The following SNCAIP variants were observed in gnomAD, a reference collection of about 807,000 sequenced individuals.
The protein encoded by SNCAIP is synphilin-1.
SNCAIP carries 43 observed loss-of-function variants against 86.7 expected under a neutral mutation model. The observed-to-expected ratio is 0.50, with a 90% confidence interval of 0.39 to 0.64. The LOEUF is 0.64. SNCAIP is among the 30% of genes least tolerant of loss of function. The probability of loss-of-function intolerance (pLI) is 0.00; values close to 1 mark genes in which losing one functional copy is unlikely to be tolerated. For synonymous variants in SNCAIP, 417 were observed against 427.2 expected (o/e 0.98, Z 0.29); for missense variants, 981 against 1,103.1 (o/e 0.89, Z 1.57).
chr5:122,325,700 G>T (rs1753870937), intron 1 of SNCAIP, among the ~76,000 whole-genome samples: 2 of 152,150 alleles, frequency 1.3e-5, no homozygotes, highest in Non-Finnish European at 2.9e-5. Context: ...ATAACTATTA[G>T]CTCTTACTAT....
intron 10 of SNCAIP, chr5:122,453,045 G>A (rs2153007421): frequency 2.6e-6 from 3 of 1,169,570 alleles, no homozygotes; most frequent in South Asian, 1.4e-5. Flanking sequence ...GCTTTGCTTT[G>A]AATTGCATGA....
chr5:122,357,617 CTTTT>C (rs1159553477), intron 1 of SNCAIP, among the ~76,000 whole-genome samples: 1 of 140,188 alleles, frequency 7.1e-6, no homozygotes, highest in Non-Finnish European at 1.6e-5. Context: ...GACAAGCCTT[CTTTT>C]TTTTTTTTTT....
intron 5 of SNCAIP, among the ~76,000 whole-genome samples, chr5:122,430,190 T>C (rs933131796): frequency 2.6e-5 from 4 of 152,164 alleles, no homozygotes; most frequent in African/African-American, 9.7e-5. Context: ...AATTCTAAAA[T>C]AAAGAGAAAC....
In SNCAIP at chr5:122,403,808, C is replaced by T; in HGVS notation, c.73C>T (p.Leu25Phe). ...TCCCGTTCAGTATTCAGTCACATCA[C>T]TCAAGACGATCCCAGAACTGTGCCG... ...SDDISYSVTS[L>F]KTIPELCRRC... is the part of the protein sequence containing the mutation. The change falls in exon 3 of 11, where the codon CTC becomes TTC. Residue 25 changes from leucine (L) to phenylalanine (F), a missense_variant. Physicochemically the swap from Leu to Phe is conservative, Grantham distance 22. Transcript: ENST00000261368. The T allele has an allele frequency of 6.2e-7, 1 of 1,613,706 alleles. No individual in the cohort carries two copies. The highest frequency in any genetic ancestry group is 2.2e-5 in the East Asian group (1 of 44,884).
chr5:122,394,907 G>A (rs1209009544), intron 2 of SNCAIP, among the ~76,000 whole-genome samples: 1 of 152,076 alleles, frequency 6.6e-6, no homozygotes, highest in Non-Finnish European at 1.5e-5. Flanking sequence ...ATTCCTTTTG[G>A]CAGATGAGAA....
At chr5:122,428,581 T>TA (rs398109365) in intron 5 of SNCAIP, among the ~76,000 whole-genome samples, 5 of 151,878 alleles carry the variant, frequency 3.3e-5, no homozygotes, top group Non-Finnish European at 7.4e-5. Context: ...TTTTTTTTTT[T>TA]ACCTTTTATT....
chr5:122,348,448 T>C (rs1036368211), intron 1 of SNCAIP, among the ~76,000 whole-genome samples: 4 of 152,134 alleles, frequency 2.6e-5, no homozygotes, highest in African/African-American at 9.7e-5. Flanking sequence ...GAGGAACATA[T>C]TCACTGATGA....
chr5:122,378,463 G>T (rs1480932717), intron 1 of SNCAIP, among the ~76,000 whole-genome samples: 1 of 140,424 alleles, frequency 7.1e-6, no homozygotes, highest in African/African-American at 2.7e-5. Context: ...TGAGTAGGTT[G>T]TGAAAATTTT....
intron 1 of SNCAIP, among the ~76,000 whole-genome samples, chr5:122,315,273 G>A (rs1470526717): frequency 6.6e-6 from 1 of 152,206 alleles, no homozygotes; most frequent in African/African-American, 2.4e-5. Context: ...TTATCAGACT[G>A]TTGGCCAGGG....
intron 3 of SNCAIP, among the ~76,000 whole-genome samples, chr5:122,411,318 C>A (rs929290753): frequency 1.3e-5 from 2 of 152,144 alleles, no homozygotes; most frequent in African/African-American, 4.8e-5. Context: ...TCACAAGTCC[C>A]CATCCTGTCA....
At chr5:122,325,791 T>G (rs1311648019) in intron 1 of SNCAIP, among the ~76,000 whole-genome samples, 1 of 152,124 alleles carries the variant, frequency 6.6e-6, no homozygotes, top group African/African-American at 2.4e-5. Context: ...ATTCTTCAAT[T>G]TTTTTTGAGT....
At chr5:122,440,524 T>TA in intron 6 of SNCAIP, 105 bp from the exon 7 acceptor site, 1 of 1,081,698 alleles carries the variant, frequency 9.2e-7, no homozygotes, top group Non-Finnish European at 1.4e-6. Context: ...ACGGTAAGCA[T>TA]GGTTTTACCT....
At chr5:122,428,258 T>TA (rs1341132026) in intron 5 of SNCAIP, among the ~76,000 whole-genome samples, 1 of 152,186 alleles carries the variant, frequency 6.6e-6, no homozygotes, top group Admixed American at 6.5e-5. Context: ...GTATGTTAAA[T>TA]ACAGCAAGTG....
chr5:122,400,909 A>G, intron 2 of SNCAIP: 1 of 1,387,950 alleles, frequency 7.2e-7, no homozygotes, highest in Non-Finnish European at 9.5e-7. Flanking sequence ...CTTCTAGAAA[A>G]AGAATAAATT....
chr5:122,462,769 T>C (rs1245384804), intron 10 of SNCAIP, among the ~76,000 whole-genome samples: 3 of 152,150 alleles, frequency 2.0e-5, no homozygotes, highest in Non-Finnish European at 4.4e-5. Context: ...CAAGAAGTAA[T>C]TTAGTAATAT....
intron 3 of SNCAIP, among the ~76,000 whole-genome samples, chr5:122,412,954 C>T (rs1310508940): frequency 1.3e-5 from 2 of 152,310 alleles, no homozygotes; most frequent in Middle Eastern, 3.4e-3. Context: ...TAAATGTTTG[C>T]GTCCCTCCAG....
intron 1 of SNCAIP, among the ~76,000 whole-genome samples, chr5:122,354,927 T>C (rs1760699331): frequency 1.3e-5 from 2 of 152,076 alleles, no homozygotes; most frequent in East Asian, 3.8e-4. Context: ...TTAAAGAAAA[T>C]ATGTTTGTTT....
chr5:122,378,506 T>C (rs1765890429), intron 1 of SNCAIP, among the ~76,000 whole-genome samples: 2 of 142,718 alleles, frequency 1.4e-5, no homozygotes, highest in African/African-American at 2.6e-5. Context: ...TTCACTCTGA[T>C]GGTAGTTTCT....
chr5:122,439,655 G>A (rs551917563), intron 6 of SNCAIP, among the ~76,000 whole-genome samples: 53 of 151,436 alleles, frequency 3.5e-4, no homozygotes, highest in African/African-American at 1.3e-3. Flanking sequence ...GCAAACAACT[G>A]GAAAAAAAAA....
Sources: gnomAD v4.1 joint callset for allele counts (sites outside exome capture counted in the v4.1 genomes callset) on GRCh38, gnomAD v4.1.1 for gene constraint, MANE v1.5 for transcripts, NCBI Gene and HGNC (gene_info 2026-07-23, HGNC 2026-07-21) for gene names.